Variants in GALNS observed in about 807,000 individuals in gnomAD.
GALNS encodes the protein galactosamine (N-acetyl)-6-sulfatase, also known as N-acetylgalactosamine-6-sulfatase.
In GALNS, 65 loss-of-function variants were observed where a neutral mutation model predicts 65.9. The ratio of observed to expected loss-of-function variants is 0.99; its 90% confidence interval spans 0.81 to 1.21. The LOEUF (loss-of-function observed/expected upper bound fraction) is 1.21, where lower values mean the gene tolerates loss of function less well. Among genes scored for constraint, GALNS ranks in the 50% most tolerant of loss-of-function variants. GALNS has a pLI of 0.00. For missense variants in GALNS, 776 were observed against 700.7 expected (o/e 1.11, Z -1.21); for synonymous variants, 346 against 288.9 (o/e 1.20, Z -2.00).
chr16:88,831,189 G>A (rs1034681619), intron 9 of GALNS, among the ~76,000 whole-genome samples: 3 of 152,214 alleles, frequency 2.0e-5, no homozygotes, highest in Admixed American at 6.5e-5. Context: ...GAGAGCCACC[G>A]AGAGGGACCT....
At chr16:88,827,677 C>A (rs1380521265) in intron 9 of GALNS, among the ~76,000 whole-genome samples, 1 of 152,210 alleles carries the variant, frequency 6.6e-6, no homozygotes, top group African/African-American at 2.4e-5. Flanking sequence ...AACTCCCAAC[C>A]TCAGGTGATC....
At chr16:88,856,664 C>A (rs1192215722) in intron 1 of GALNS, 94 bp downstream of exon 1, 2 of 400,112 alleles carry the variant, frequency 5.0e-6, no homozygotes, top group Non-Finnish European at 9.6e-6. Context: ...TCCCCCCACC[C>A]CGCCCGCCCT....
chr16:88,837,179 C>A (rs1193957632), intron 5 of GALNS, among the ~76,000 whole-genome samples: 1 of 152,212 alleles, frequency 6.6e-6, no homozygotes, highest in Admixed American at 6.5e-5. Flanking sequence ...CACGCCCGGG[C>A]ACCAGGACGG....
chr16:88,816,126 A>ACCG (rs75121885), intron 13 of GALNS: 55,127 of 985,304 alleles, frequency 0.056, 1,658 homozygotes, highest in Middle Eastern at 0.12. Context: ...CTGAGTTGGC[A>ACCG]CTTTTCCCCC....
intron 4 of GALNS, among the ~76,000 whole-genome samples, chr16:88,838,294 C>G (rs1251036888): frequency 6.6e-6 from 1 of 152,150 alleles, no homozygotes; most frequent in African/African-American, 2.4e-5. Flanking sequence ...CTGGGCGGGG[C>G]GTTGTGTGCC....
At chr16:88,829,081 A>C (rs1313859546) in intron 9 of GALNS, among the ~76,000 whole-genome samples, 1 of 145,280 alleles carries the variant, frequency 6.9e-6, no homozygotes, top group South Asian at 2.2e-4. Flanking sequence ...TCTCATGCCA[A>C]CGTCTCCCAG....
chr16:88,816,758 C>G, intron 13 of GALNS: 1 of 985,476 alleles, frequency 1.0e-6, no homozygotes, highest in South Asian at 4.7e-5. Context: ...GCGGCTCCCA[C>G]GCTGCAGCCG....
At chr16:88,822,813 G>A (rs1910382516) in intron 11 of GALNS, 103 bp from the exon 12 acceptor site, 3 of 1,507,898 alleles carry the variant, frequency 2.0e-6, no homozygotes, top group Admixed American at 2.0e-5. Flanking sequence ...GCCGTGAGGG[G>A]CCTTGTCTGC....
intron 3 of GALNS, among the ~76,000 whole-genome samples, 199 bp downstream of exon 3, chr16:88,841,698 C>T (rs1183999320): frequency 6.6e-6 from 1 of 152,196 alleles, no homozygotes; most frequent in African/African-American, 2.4e-5. Context: ...GCACCCTCCG[C>T]TCAGTCCCCA....
At chr16:88,853,144 G>A (rs1006028100) in intron 1 of GALNS, among the ~76,000 whole-genome samples, 4 of 150,002 alleles carry the variant, frequency 2.7e-5, no homozygotes, top group East Asian at 3.9e-4. Context: ...CCAGCTACTC[G>A]GGAGGCTGAG....
Position 88,825,221 on chromosome 16 carries a change from TGGGTGTCTGGGGCTG to T in GALNS, c.1140-367_1140-353del, listed in dbSNP as rs1188814077. Among the ~76,000 whole-genome samples, 4 of 80,414 alleles carry T rather than the reference TGGGTGTCTGGGGCTG, an allele frequency of 5.0e-5. No individual in the cohort carries two copies. The East Asian group carries it at 1.3e-3, about 27-fold the overall frequency. The allele number at this position is 80,414 out of a possible 152,430, so 52.8% of individuals were successfully genotyped here. A position where few individuals can be genotyped will look rare whatever the true frequency, so the allele number is the denominator to read the frequency against. ...AGGGTGCCTGGGTGTCTGGGGCGCC[TGGGTGTCTGGGGCTG>T]GGGTGTCTGGGTGGCCAGGGCTGGG... On this transcript the variant is annotated intron_variant, in intron 10 of 13. Coordinates refer to ENST00000268695, the MANE Select transcript of GALNS (RefSeq NM_000512.5).
At chr16:88,843,061 G>A in intron 1 of GALNS, 2 of 1,517,386 alleles carry the variant, frequency 1.3e-6, no homozygotes, top group Non-Finnish European at 1.8e-6. Flanking sequence ...GCACGATGGG[G>A]CCGCTCCACG....
intron 1 of GALNS, chr16:88,855,726 A>T (rs1967802220): frequency 1.7e-6 from 1 of 578,936 alleles, no homozygotes; most frequent in Admixed American, 3.1e-5. Context: ...TGTGTATTTT[A>T]CACTACCAGC....
intron 12 of GALNS, among the ~76,000 whole-genome samples, chr16:88,818,332 C>T (rs1253826629): frequency 5.3e-5 from 8 of 152,168 alleles, no homozygotes; most frequent in Non-Finnish European, 1.2e-4. Context: ...CTCAGACTCA[C>T]GGGCAAGAGA....
intron 4 of GALNS, among the ~76,000 whole-genome samples, chr16:88,839,966 T>C (rs1366917613): frequency 6.6e-6 from 1 of 152,190 alleles, no homozygotes; most frequent in Non-Finnish European, 1.5e-5. Flanking sequence ...GTTGGCACAG[T>C]ACTCACGCGC....
At position 88,837,427 on chromosome 16, in the gene GALNS, A is replaced by G. The variant is rs117577078; in HGVS notation, c.566+195T>C. On this transcript the variant is annotated intron_variant, in intron 5 of 13. Coordinates refer to ENST00000268695, the MANE Select transcript of GALNS (RefSeq NM_000512.5). ...CCTGAAAAGGTGGGAAACCCCAGGCAGGAGTCTCATAGGCTCTGGGGCAAA... is the reference window on the plus strand; with the variant it reads ...CCTGAAAAGGTGGGAAACCCCAGGCGGGAGTCTCATAGGCTCTGGGGCAAA... Among the ~76,000 whole-genome samples the G allele has an allele frequency of 0.04, 6,097 of 152,316 alleles. 152 individuals are homozygous for G. The highest frequency in any genetic ancestry group is 0.086 in the South Asian group (413 of 4,824).
At chr16:88,855,098 G>A (rs946730196) in intron 1 of GALNS, 1 of 460,340 alleles carries the variant, frequency 2.2e-6, no homozygotes, top group South Asian at 1.7e-5. Flanking sequence ...TTTACCGGGA[G>A]CCACATTAGA....
chr16:88,821,116 A>G (rs1597531297), intron 12 of GALNS, among the ~76,000 whole-genome samples: 1 of 152,084 alleles, frequency 6.6e-6, no homozygotes, highest in Non-Finnish European at 1.5e-5. Flanking sequence ...CACCCCCACA[A>G]CATATGACCA....
intron 12 of GALNS, among the ~76,000 whole-genome samples, chr16:88,819,668 G>A (rs1223761216): frequency 6.6e-6 from 1 of 152,130 alleles, no homozygotes; most frequent in African/African-American, 2.4e-5. Flanking sequence ...GAGTAGCTGG[G>A]ACCATAGATC....
Sources: gnomAD v4.1 joint callset for allele counts (sites outside exome capture counted in the v4.1 genomes callset) on GRCh38, gnomAD v4.1.1 for gene constraint, MANE v1.5 for transcripts, NCBI Gene and HGNC (gene_info 2026-07-23, HGNC 2026-07-21) for gene names.